Variants in PRDM16 observed in about 807,000 individuals in gnomAD.
The protein encoded by PRDM16 is PR/SET domain 16, also known as histone-lysine N-methyltransferase PRDM16.
A neutral mutation model predicts 110.6 loss-of-function variants in PRDM16; 23 were observed. That is an observed-to-expected ratio of 0.21 (90% CI 0.15 to 0.29). The LOEUF is 0.29. PRDM16 is among the 10% of genes least tolerant of loss of function. The probability of loss-of-function intolerance (pLI) is 1.00; values close to 1 mark genes in which losing one functional copy is unlikely to be tolerated. For missense variants in PRDM16, 1,615 were observed against 1,794.3 expected (o/e 0.90, Z 1.81); for synonymous variants, 799 against 781.8 (o/e 1.02, Z -0.37).
intron 3 of PRDM16, among the ~76,000 whole-genome samples, chr1:3,301,332 CAAAAAAAAAA>C (rs70938084): frequency 9.8e-6 from 1 of 101,874 alleles, no homozygotes; most frequent in Non-Finnish European, 2.0e-5. Context: ...GATCCCATCT[CAAAAAAAAAA>C]AAAAAAAGAA....
chr1:3,138,472 G>A (rs553527032), intron 1 of PRDM16, among the ~76,000 whole-genome samples: 3 of 152,324 alleles, frequency 2.0e-5, no homozygotes, highest in East Asian at 3.9e-4. Flanking sequence ...CAGTCTCTGA[G>A]GTTTCACTTT....
chr1:3,307,784 C>T (rs944634231), intron 3 of PRDM16: 1 of 152,224 alleles, frequency 6.6e-6, no homozygotes, highest in Non-Finnish European at 1.5e-5. Flanking sequence ...GGTAGTAGCC[C>T]TCCTTGATCT....
chr1:3,096,188 C>G (rs184614420), intron 1 of PRDM16, among the ~76,000 whole-genome samples: 2 of 152,274 alleles, frequency 1.3e-5, no homozygotes, highest in African/African-American at 2.4e-5. Flanking sequence ...GCAGGAACCT[C>G]GGCTTTCCTG....
rs114797493 is a variant in PRDM16, at chr1:3,361,037, G to A, written c.439-24115G>A. On this transcript the variant is annotated intron_variant, in intron 3 of 16. Coordinates refer to ENST00000270722, the MANE Select transcript of PRDM16 (RefSeq NM_022114.4). Reference sequence around the variant, plus strand: ...TGGAGCGAGGACACTGACTAACAACGGCGGCAGTGTCTGCGGAACAGCGTT... The same window carrying A: ...TGGAGCGAGGACACTGACTAACAACAGCGGCAGTGTCTGCGGAACAGCGTT... Among the ~76,000 whole-genome samples the A allele has an allele frequency of 6.6e-3, 1,011 of 152,346 alleles. 17 individuals are homozygous for A. Among genetic ancestry groups the A allele is most frequent in the South Asian group, 0.06 (287 of 4,822 alleles).
intron 3 of PRDM16, among the ~76,000 whole-genome samples, chr1:3,300,311 C>T (rs1426286614): frequency 1.7e-5 from 2 of 118,962 alleles, no homozygotes; most frequent in African/African-American, 5.8e-5. Context: ...TGACTCTGCC[C>T]TTGTTGAAGA....
At chr1:3,193,046 C>T (rs533042817) in intron 2 of PRDM16, among the ~76,000 whole-genome samples, 124 of 151,798 alleles carry the variant, frequency 8.2e-4, no homozygotes, top group African/African-American at 2.9e-3. Context: ...ACGGCGAGTA[C>T]CCAGCAGACA....
At chr1:3,129,368 AGTGTGTGGGTGC>A (rs139380014) in intron 1 of PRDM16, among the ~76,000 whole-genome samples, 13,892 of 96,590 alleles carry the variant, frequency 0.14, 1,561 homozygotes, top group African/African-American at 0.36. Flanking sequence ...CACGTGGGTG[AGTGTGTGGGTGC>A]GTGTGCACGT....
At position 3,382,164 on chromosome 1, in the gene PRDM16, G is replaced by A. The variant is rs534842122; in HGVS notation, c.439-2988G>A. Among the ~76,000 whole-genome samples, 8 of 152,336 alleles carry A rather than the reference G, an allele frequency of 5.3e-5. No homozygotes were observed. The highest frequency in any genetic ancestry group is 8.8e-5 in the Non-Finnish European group (6 of 68,002). ...TGTGCCTGGGGAGGGGCCTCACCAC[G>A]TGGGGCTGGTGGCCCTGGGTCTGCA... is the stretch of plus-strand genomic sequence containing the variant. On this transcript the variant is annotated intron_variant, in intron 3 of 16. Transcript: ENST00000270722. The surrounding 1 kb of genome is among the most constrained non-coding windows in gnomAD (Gnocchi z 6.6).
chr1:3,135,611 C>T (rs891150684), intron 1 of PRDM16, among the ~76,000 whole-genome samples: 1 of 152,132 alleles, frequency 6.6e-6, no homozygotes. Context: ...CTGGGTAACC[C>T]GAGCCCGCCT....
intron 1 of PRDM16, among the ~76,000 whole-genome samples, chr1:3,117,126 G>T (rs1416591003): frequency 6.6e-6 from 1 of 152,174 alleles, no homozygotes; most frequent in Admixed American, 6.5e-5. Flanking sequence ...CCCCTCCTGC[G>T]TGCTCTTCTG....
chr1:3,317,634 C>T (rs751605800), intron 3 of PRDM16, among the ~76,000 whole-genome samples: 2 of 152,254 alleles, frequency 1.3e-5, no homozygotes, highest in Non-Finnish European at 2.9e-5. Context: ...GGCCTCTGAG[C>T]GGCCCTGGCC....
intron 1 of PRDM16, among the ~76,000 whole-genome samples, chr1:3,118,372 G>C (rs1321886530): frequency 6.6e-6 from 1 of 152,186 alleles, no homozygotes; most frequent in Non-Finnish European, 1.5e-5. Flanking sequence ...CCCCCACCTG[G>C]CCCCTCGGAA....
intron 3 of PRDM16, among the ~76,000 whole-genome samples, chr1:3,298,474 C>T (rs1249031644): frequency 6.6e-6 from 1 of 152,352 alleles, no homozygotes; most frequent in Non-Finnish European, 1.5e-5. Flanking sequence ...TTTCACTTTA[C>T]TTAGTTTTAA....
At chr1:3,394,723 G>T (rs183310001) in intron 4 of PRDM16, among the ~76,000 whole-genome samples, 1 of 152,208 alleles carries the variant, frequency 6.6e-6, no homozygotes, top group Admixed American at 6.5e-5. Context: ...TCACGGCACC[G>T]CTCAGAGGGT....
chr1:3,411,042 G>T (rs972966691), intron 8 of PRDM16, among the ~76,000 whole-genome samples: 1 of 149,596 alleles, frequency 6.7e-6, no homozygotes, highest in African/African-American at 2.5e-5. Flanking sequence ...CTTGGGTGGG[G>T]CGCATGCACA....
intron 1 of PRDM16, among the ~76,000 whole-genome samples, chr1:3,071,548 C>A (rs1173799003): frequency 6.6e-6 from 1 of 152,240 alleles, no homozygotes; most frequent in Non-Finnish European, 1.5e-5. Flanking sequence ...GAGGCAGGTT[C>A]AGGATCACAC....
At chr1:3,408,164 G>C (rs183845678) in intron 8 of PRDM16, among the ~76,000 whole-genome samples, 26 of 152,182 alleles carry the variant, frequency 1.7e-4, no homozygotes, top group Non-Finnish European at 2.9e-4. Context: ...CTGCGCAGGC[G>C]CTCATGGCCA....
chr1:3,258,544 T>C (rs773059359), intron 3 of PRDM16, among the ~76,000 whole-genome samples: 3 of 152,208 alleles, frequency 2.0e-5, no homozygotes, highest in Non-Finnish European at 4.4e-5. Flanking sequence ...ATAGTGTTGA[T>C]AAATTAAGTA....
At chr1:3,145,479 G>A (rs1239390816) in intron 1 of PRDM16, among the ~76,000 whole-genome samples, 1 of 152,158 alleles carries the variant, frequency 6.6e-6, no homozygotes, top group Non-Finnish European at 1.5e-5. Flanking sequence ...CGGCAGCCTG[G>A]ACTGGAGAGT....
Sources: allele counts gnomAD v4.1 joint callset (sites outside exome capture counted in the v4.1 genomes callset), GRCh38; gene constraint gnomAD v4.1.1; non-coding constraint Gnocchi (gnomAD v3.1); transcripts MANE v1.5; gene names NCBI Gene and HGNC (gene_info 2026-07-23, HGNC 2026-07-21).